FBXW7: variants seen among roughly 807,000 people sequenced by gnomAD.
FBXW7 encodes the protein F-box and WD repeat domain containing 7, also known as F-box/WD repeat-containing protein 7.
In FBXW7, 11 loss-of-function variants were observed where a neutral mutation model predicts 86.3. That is an observed-to-expected ratio of 0.13 (90% confidence interval 0.08 to 0.21). The LOEUF (loss-of-function observed/expected upper bound fraction) is 0.21. Among genes scored for constraint, FBXW7 ranks in the 10% least tolerant of loss-of-function variants. FBXW7 has a pLI of 1.00. For synonymous variants in FBXW7, 313 were observed against 297.9 expected, an observed-to-expected ratio of 1.05 and a Z score of -0.52; for missense variants, 488 against 847.4, an observed-to-expected ratio of 0.58 and a Z score of 5.27.
rs536249117 is a variant in FBXW7 at position 152,448,203 on chromosome 4, A to G, written c.-119-35674T>C. Among the ~76,000 whole-genome samples, 5 of 152,232 alleles carry G rather than the reference A, an allele frequency of 3.3e-5. No homozygotes were observed. In the South Asian group the frequency reaches 6.2e-4, roughly 19 times the overall value. On this transcript the variant is annotated intron_variant, in intron 2 of 13. Coordinates refer to ENST00000281708, the MANE Select transcript of FBXW7 (RefSeq NM_001349798.2). Reference sequence around the variant, plus strand: ...TCCATTAGAGTGCTCCACAGCTCAGAGCAAGCAAGCAAGTGGTTGTCAGTG... The same window carrying G: ...TCCATTAGAGTGCTCCACAGCTCAGGGCAAGCAAGCAAGTGGTTGTCAGTG...
At chr4:152,377,583 C>T (rs548777438) in intron 4 of FBXW7, among the ~76,000 whole-genome samples, 34 of 144,520 alleles carry the variant, frequency 2.4e-4, no homozygotes, top group African/African-American at 8.8e-4. Context: ...GGAGCCCTGT[C>T]TCTACTAAAA....
At chr4:152,457,068 C>T (rs1466263669) in intron 2 of FBXW7, among the ~76,000 whole-genome samples, 1 of 152,168 alleles carries the variant, frequency 6.6e-6, no homozygotes, top group East Asian at 1.9e-4. Context: ...TTTGATCATT[C>T]ATCCAACAAT....
intron 2 of FBXW7, among the ~76,000 whole-genome samples, chr4:152,526,335 T>C (rs1429712755): frequency 6.6e-6 from 1 of 152,314 alleles, no homozygotes; most frequent in South Asian, 2.1e-4. Flanking sequence ...AAAACTGTTC[T>C]CAACATAGAA....
chr4:152,527,901 CAT>C (rs58496613), intron 2 of FBXW7, among the ~76,000 whole-genome samples: 40 of 149,292 alleles, frequency 2.7e-4, no homozygotes, highest in Middle Eastern at 3.4e-3. Context: ...CACACACACA[CAT>C]ATATATACAC....
At chr4:152,494,167 A>G (rs1287124005) in intron 2 of FBXW7, among the ~76,000 whole-genome samples, 1 of 152,218 alleles carries the variant, frequency 6.6e-6, no homozygotes, top group Non-Finnish European at 1.5e-5. Flanking sequence ...CATCAACAGC[A>G]TAAGGTACTG....
At chr4:152,484,150 T>A (rs892006062) in intron 2 of FBXW7, among the ~76,000 whole-genome samples, 3 of 152,182 alleles carry the variant, frequency 2.0e-5, no homozygotes, top group Admixed American at 2.0e-4. Flanking sequence ...TTCATACAAA[T>A]CCTATTCATT....
intron 6 of FBXW7, among the ~76,000 whole-genome samples, chr4:152,338,550 T>C (rs918791387): frequency 1.7e-4 from 26 of 151,950 alleles, no homozygotes; most frequent in African/African-American, 5.1e-4. Context: ...AAAATGAGAA[T>C]ATAAACAAAG....
intron 2 of FBXW7, among the ~76,000 whole-genome samples, chr4:152,518,851 A>G (rs1270471188): frequency 6.6e-6 from 1 of 152,248 alleles, no homozygotes; most frequent in Non-Finnish European, 1.5e-5. Context: ...ATACAGATAT[A>G]AAAACTATGT....
chr4:152,349,183 T>C (rs1334928211), intron 5 of FBXW7, among the ~76,000 whole-genome samples: 1 of 151,950 alleles, frequency 6.6e-6, no homozygotes, highest in African/African-American at 2.4e-5. Flanking sequence ...AGAATAAAAA[T>C]AACTAAATTG....
chr4:152,432,459 G>A (rs759140434), intron 2 of FBXW7, among the ~76,000 whole-genome samples: 5 of 152,232 alleles, frequency 3.3e-5, no homozygotes, highest in East Asian at 1.9e-4. Context: ...AGTAGAAAGC[G>A]CAGTGAGTTT....
intron 2 of FBXW7, among the ~76,000 whole-genome samples, chr4:152,514,319 T>C (rs1748260061): frequency 1.3e-5 from 2 of 152,134 alleles, no homozygotes; most frequent in Admixed American, 6.5e-5. Context: ...GAAAACACTA[T>C]ACACACCAAG....
At position 152,324,389 on chromosome 4, in the gene FBXW7, A is replaced by G; in HGVS notation, c.1650T>C (p.Asp550=). ...GAGATCCACTCACCACATGGATACC[A>G]TCAAACTACAAAAGACACAGTTTAT... The part of the protein sequence containing the change: ...HTNRVYSLQF[D]GIHVVSGSLD... Residue 550 remains aspartate, a synonymous_variant, in exon 13 of 14, where the codon GAT becomes GAC. Transcript: ENST00000281708. 1 of 1,586,586 alleles carries G rather than the reference A, an allele frequency of 6.3e-7. No individual in the cohort carries two copies. The highest frequency in any genetic ancestry group is 1.1e-5 in the South Asian group (1 of 88,424).
chr4:152,500,636 G>A (rs1322205909), intron 2 of FBXW7, among the ~76,000 whole-genome samples: 12 of 152,008 alleles, frequency 7.9e-5, no homozygotes, highest in African/African-American at 1.9e-4. Flanking sequence ...GAAGGGGTAT[G>A]AGGAAACTAG....
chr4:152,448,290 C>T (rs1741593280), intron 2 of FBXW7, among the ~76,000 whole-genome samples: 1 of 152,180 alleles, frequency 6.6e-6, no homozygotes, highest in South Asian at 2.1e-4. Context: ...TCCATTGCTA[C>T]ACAATCTGAT....
intron 4 of FBXW7, among the ~76,000 whole-genome samples, chr4:152,367,628 C>T (rs1174866033): frequency 1.3e-5 from 2 of 152,098 alleles, no homozygotes; most frequent in African/African-American, 4.8e-5. Flanking sequence ...TCTGGGCATA[C>T]CATTCACTTC....
intron 2 of FBXW7, among the ~76,000 whole-genome samples, chr4:152,527,865 T>TATACACAC (rs1554003395): frequency 3.7e-3 from 514 of 137,474 alleles, no homozygotes; most frequent in African/African-American, 0.011. Context: ...AAAAATTATA[T>TATACACAC]ACACACACAC....
chr4:152,494,920 GT>G (rs932736112), intron 2 of FBXW7, among the ~76,000 whole-genome samples: 1 of 152,172 alleles, frequency 6.6e-6, no homozygotes, highest in Non-Finnish European at 1.5e-5. Flanking sequence ...ATATAAGGAA[GT>G]TTTAAGAAAC....
At chr4:152,479,814 T>C (rs1447458867) in intron 2 of FBXW7, among the ~76,000 whole-genome samples, 1 of 152,172 alleles carries the variant, frequency 6.6e-6, no homozygotes, top group Non-Finnish European at 1.5e-5. Flanking sequence ...TTTGTAGTCG[T>C]ACAAGATTTA....
At chr4:152,461,421 T>C (rs1486360806) in intron 2 of FBXW7, among the ~76,000 whole-genome samples, 2 of 152,344 alleles carry the variant, frequency 1.3e-5, no homozygotes, top group East Asian at 3.9e-4. Flanking sequence ...TTTTTATTGC[T>C]GTACTGTAAA....
Sources: allele counts gnomAD v4.1 joint callset (sites outside exome capture counted in the v4.1 genomes callset), GRCh38; gene constraint gnomAD v4.1.1; transcripts MANE v1.5; gene names NCBI Gene and HGNC (gene_info 2026-07-23, HGNC 2026-07-21).